DPP10: variants seen among roughly 807,000 people sequenced by gnomAD.
DPP10 encodes inactive dipeptidyl peptidase 10.
Under a neutral mutation model 120.9 loss-of-function variants are expected in DPP10, and 33 were observed. The observed-to-expected ratio is 0.27, with a 90% CI of 0.21 to 0.37. The LOEUF (loss-of-function observed/expected upper bound fraction) is 0.37, where lower values mean the gene tolerates loss of function less well. Ranked by LOEUF, DPP10 falls within the 10% of genes least tolerant of loss-of-function variation. The pLI is 1.00. For missense variants in DPP10, 816 were observed against 942.8 expected, an observed-to-expected ratio of 0.87 and a Z score of 1.76; for synonymous variants, 337 against 326.1, an observed-to-expected ratio of 1.03 and a Z score of -0.36.
intron 3 of DPP10, among the ~76,000 whole-genome samples, chr2:115,373,200 C>T (rs1251301506): frequency 6.6e-6 from 1 of 152,174 alleles, no homozygotes; most frequent in Non-Finnish European, 1.5e-5. Context: ...TCTTACATGT[C>T]AAACACTCAG....
At chr2:114,864,821 T>G (rs903645721) in intron 1 of DPP10, among the ~76,000 whole-genome samples, 1 of 152,222 alleles carries the variant, frequency 6.6e-6, no homozygotes, top group Admixed American at 6.5e-5. Flanking sequence ...GCTTCAGTAC[T>G]ACCTAGACAA....
chr2:115,393,658 T>C (rs938355859), intron 3 of DPP10, among the ~76,000 whole-genome samples: 1 of 152,204 alleles, frequency 6.6e-6, no homozygotes, highest in Non-Finnish European at 1.5e-5. Context: ...AGAGAGAGCA[T>C]TGGAACTTGT....
At chr2:115,384,942 T>C (rs1253002253) in intron 3 of DPP10, among the ~76,000 whole-genome samples, 1 of 152,190 alleles carries the variant, frequency 6.6e-6, no homozygotes, top group Admixed American at 6.5e-5. Flanking sequence ...CATACTATTC[T>C]TGTGGTAGTG....
chr2:115,785,674 T>C (rs1394398043), intron 17 of DPP10, among the ~76,000 whole-genome samples: 1 of 152,164 alleles, frequency 6.6e-6, no homozygotes, highest in African/African-American at 2.4e-5. Context: ...ATGGGGTCAG[T>C]GGTAATGTCC....
chr2:115,216,320 A>G (rs1374379412), intron 1 of DPP10, among the ~76,000 whole-genome samples: 1 of 152,196 alleles, frequency 6.6e-6, no homozygotes, highest in Admixed American at 6.5e-5. Flanking sequence ...AAAAAATTTA[A>G]TTAAAAAAGT....
intron 1 of DPP10, among the ~76,000 whole-genome samples, chr2:114,971,614 A>T (rs2104790791): frequency 6.6e-6 from 1 of 152,282 alleles, no homozygotes; most frequent in East Asian, 1.9e-4. Flanking sequence ...CTATATCATG[A>T]CTAAAAAGTA....
chr2:114,618,443 C>T (rs1265309490), intron 1 of DPP10, among the ~76,000 whole-genome samples: 1 of 151,932 alleles, frequency 6.6e-6, no homozygotes, highest in Non-Finnish European at 1.5e-5. Context: ...TGGTTACCAT[C>T]ATACAGATAT....
chr2:115,289,851 A>G (rs952111056), intron 1 of DPP10, among the ~76,000 whole-genome samples: 1 of 152,166 alleles, frequency 6.6e-6, no homozygotes, highest in African/African-American at 2.4e-5. Context: ...TTAACCCAAG[A>G]TGGATTAAAG....
At chr2:115,623,057 G>C (rs892303158) in intron 5 of DPP10, among the ~76,000 whole-genome samples, 2 of 152,022 alleles carry the variant, frequency 1.3e-5, no homozygotes, top group Non-Finnish European at 2.9e-5. Context: ...GTGTTAGCCA[G>C]GATGGTCTCG....
At chr2:115,218,201 C>G (rs926816202) in intron 1 of DPP10, among the ~76,000 whole-genome samples, 2 of 152,020 alleles carry the variant, frequency 1.3e-5, no homozygotes, top group African/African-American at 4.8e-5. Context: ...TTTGCAATGG[C>G]CTACATAAAA....
intron 1 of DPP10, among the ~76,000 whole-genome samples, chr2:114,502,908 T>C (rs1454848048): frequency 6.6e-6 from 1 of 152,154 alleles, no homozygotes; most frequent in Admixed American, 6.5e-5. Flanking sequence ...GATTTCGGAG[T>C]ACTGTGGAAT....
At chr2:115,767,393 C>T (rs1241903865) in intron 12 of DPP10, among the ~76,000 whole-genome samples, 1 of 151,954 alleles carries the variant, frequency 6.6e-6, no homozygotes, top group Non-Finnish European at 1.5e-5. Flanking sequence ...AGGAAAAACT[C>T]AATGTTTCAT....
intron 3 of DPP10, among the ~76,000 whole-genome samples, chr2:115,489,383 A>AG (rs1409476900): frequency 6.6e-6 from 1 of 151,478 alleles, no homozygotes; most frequent in Non-Finnish European, 1.5e-5. Context: ...GGACCCCAGA[A>AG]AAACCTGAAA....
intron 1 of DPP10, among the ~76,000 whole-genome samples, chr2:115,183,751 A>G (rs1229619676): frequency 2.0e-5 from 3 of 152,214 alleles, no homozygotes; most frequent in African/African-American, 7.2e-5. Flanking sequence ...GACTTTTGGT[A>G]TATAACTCTC....
intron 1 of DPP10, among the ~76,000 whole-genome samples, chr2:114,535,545 T>C (rs542567160): frequency 1.6e-4 from 24 of 152,308 alleles, no homozygotes; most frequent in Admixed American, 3.3e-4. Context: ...AATGTTAAAA[T>C]AGTTACTAAA....
chr2:115,793,690 A>G lies in DPP10; in HGVS notation c.1700+2334A>G, dbSNP rs190963002. Among the ~76,000 whole-genome samples the G allele has an allele frequency of 4.6e-3, 693 of 151,826 alleles. 2 individuals are homozygous for G. The highest frequency in any genetic ancestry group is 7.1e-3 in the Non-Finnish European group (481 of 67,966). On this transcript the variant is annotated intron_variant, in intron 19 of 25. Coordinates refer to ENST00000410059, the MANE Select transcript of DPP10 (RefSeq NM_020868.6). ...TTGCTACTTTTTTGGTTGATACAGG[A>G]AGAATGAATGAAAATGAGTATAAAA...
intron 1 of DPP10, among the ~76,000 whole-genome samples, chr2:114,750,700 A>G (rs953681191): frequency 6.6e-6 from 1 of 152,212 alleles, no homozygotes; most frequent in African/African-American, 2.4e-5. Flanking sequence ...CGTTGGGTAG[A>G]TGCCAGCCAG....
chr2:114,653,010 A>G (rs59455366), intron 1 of DPP10, among the ~76,000 whole-genome samples: 2,709 of 120,040 alleles, frequency 0.023, 82 homozygotes, highest in African/African-American at 0.094. Context: ...GAGAGAGAGA[A>G]AGAGAGAGAG....
chr2:115,444,396 A>G (rs987409735), intron 3 of DPP10, among the ~76,000 whole-genome samples: 1 of 152,230 alleles, frequency 6.6e-6, no homozygotes, highest in African/African-American at 2.4e-5. Flanking sequence ...TTTGAACATA[A>G]TTAAGAAAGT....
Sources: allele counts gnomAD v4.1 joint callset (sites outside exome capture counted in the v4.1 genomes callset), GRCh38; gene constraint gnomAD v4.1.1; transcripts MANE v1.5; gene names NCBI Gene and HGNC (gene_info 2026-07-23, HGNC 2026-07-21).